Variants in RSL24D1 observed in about 807,000 individuals in gnomAD.
RSL24D1 encodes probable ribosome biogenesis protein RLP24.
In RSL24D1, 6 loss-of-function variants were observed where a neutral mutation model predicts 26.2. The ratio of observed to expected loss-of-function variants is 0.23; its 90% CI spans 0.13 to 0.45. RSL24D1 has a LOEUF of 0.45. Ranked by LOEUF, RSL24D1 falls within the 20% of genes least tolerant of loss-of-function variation. RSL24D1 has a pLI of 0.99. For missense variants in RSL24D1, 176 were observed against 202.6 expected, an observed-to-expected ratio of 0.87 and a Z score of 0.80; for synonymous variants, 61 against 59.1, an observed-to-expected ratio of 1.03 and a Z score of -0.15.
rs191655006 is a variant in RSL24D1, at chr15:55,186,152, T to C, written c.269-727A>G. On this transcript the variant is annotated intron_variant, in intron 3 of 5. Coordinates refer to ENST00000260443, the MANE Select transcript of RSL24D1 (RefSeq NM_016304.3). ...AATTACTAGTGAAACATTTTATCCT[T>C]GTTTTCATATTAAGTCTTCAAAATC... 3.7e-3 allele frequency among the ~76,000 whole-genome samples: 563 copies of C among 152,294 alleles called. 11 individuals are homozygous for C. Among genetic ancestry groups the C allele is most frequent in the Non-Finnish European group, 8.1e-4 (55 of 68,008 alleles).
Position 55,191,058 on chromosome 15 carries a change from G to A in RSL24D1, c.196-11C>T, listed in dbSNP as rs757213438. On this transcript the variant is annotated splice_polypyrimidine_tract_variant and intron_variant, in intron 2 of 5. Coordinates refer to ENST00000260443, the MANE Select transcript of RSL24D1 (RefSeq NM_016304.3). ...TTCAAATGAATTATCCTGTAAGAGG[G>A]AACAGAGGAGATAAAAATAAGGTTT... The A allele has an allele frequency of 1.9e-5, 30 of 1,549,428 alleles. No homozygotes were observed. In the Admixed American group the frequency reaches 5.5e-4, roughly 28 times the overall value.
intron 1 of RSL24D1, chr15:55,195,445 C>T (rs1278402186): frequency 6.6e-6 from 1 of 152,180 alleles, no homozygotes; most frequent in African/African-American, 2.4e-5. Flanking sequence ...CAACTCTCTT[C>T]TGGATCCACT....
intron 4 of RSL24D1, among the ~76,000 whole-genome samples, chr15:55,184,319 T>C (rs1894201591): frequency 1.3e-5 from 2 of 152,080 alleles, no homozygotes; most frequent in African/African-American, 4.8e-5. Flanking sequence ...ACAGGCCAAA[T>C]ATGGGCCACT....
intron 3 of RSL24D1, among the ~76,000 whole-genome samples, 178 bp downstream of exon 3, chr15:55,190,797 A>G (rs949173024): frequency 1.3e-5 from 2 of 152,198 alleles, no homozygotes; most frequent in African/African-American, 4.8e-5. Flanking sequence ...CCAATTGTAA[A>G]AAAAAAATGA....
At chr15:55,188,869 A>T (rs74792727) in intron 3 of RSL24D1, among the ~76,000 whole-genome samples, 6,186 of 152,322 alleles carry the variant, frequency 0.041, 171 homozygotes, top group Middle Eastern at 0.065. Flanking sequence ...AAAGGTCAAA[A>T]TGAAATAAAA....
Position 55,182,203 on chromosome 15 carries a change from C to A in RSL24D1, c.441G>T (p.Glu147Asp), listed in dbSNP as rs781511293. ...CCTCTTGTAACTGCTGTACCATTTT[C>A]TCTTCCAACTGTTTCCCTTTGCCTT... ...PLAGKGKQLE[E>D]KMVQQLQEDV... Residue 147 changes from glutamate to aspartate, a missense_variant, in exon 6 of 6, where the codon GAG (glutamate) becomes GAT (aspartate). This residue lies in a region of RSL24D1 where 43 missense variants were observed against 38.7 expected (regional missense o/e 1.11). Transcript: ENST00000260443. 6.2e-7 allele frequency: 1 copy of A among 1,606,652 alleles called. No homozygotes were observed. The highest frequency in any genetic ancestry group is 2.2e-5 in the East Asian group (1 of 44,764).
intron 3 of RSL24D1, among the ~76,000 whole-genome samples, chr15:55,188,294 G>T (rs1351410210): frequency 6.6e-6 from 1 of 152,144 alleles, no homozygotes; most frequent in African/African-American, 2.4e-5. Context: ...AAATTCCAAA[G>T]ACTCTCATAC....
chr15:55,196,709 C>T (rs1894362758), intron 1 of RSL24D1, 101 bp downstream of exon 1: 4 of 1,137,618 alleles, frequency 3.5e-6, no homozygotes, highest in Non-Finnish European at 5.2e-6. Flanking sequence ...GGGAGGAACC[C>T]GGGCCAAACA....
At chr15:55,189,608 T>C (rs1223071555) in intron 3 of RSL24D1, among the ~76,000 whole-genome samples, 1 of 151,648 alleles carries the variant, frequency 6.6e-6, no homozygotes, top group Non-Finnish European at 1.5e-5. Flanking sequence ...TTTTTTGCAA[T>C]TTTTTTTTCC....
chr15:55,191,058 G>C lies in RSL24D1; in HGVS notation c.196-11C>G. 6.5e-7 allele frequency: 1 copy of C among 1,549,548 alleles called. No homozygotes were observed. Among genetic ancestry groups the C allele is most frequent in the Non-Finnish European group, 8.8e-7 (1 of 1,142,006 alleles). ...TTCAAATGAATTATCCTGTAAGAGG[G>C]AACAGAGGAGATAAAAATAAGGTTT... On this transcript the variant is annotated splice_polypyrimidine_tract_variant and intron_variant, in intron 2 of 5. Transcript: ENST00000260443.
At chr15:55,183,087 A>G (rs1381543223) in intron 5 of RSL24D1, among the ~76,000 whole-genome samples, 1 of 152,220 alleles carries the variant, frequency 6.6e-6, no homozygotes, top group Non-Finnish European at 1.5e-5. Context: ...ATCATTTTGC[A>G]TAACTTGGGG....
intron 3 of RSL24D1, among the ~76,000 whole-genome samples, chr15:55,188,609 AAATT>A (rs1256804002): frequency 6.6e-6 from 1 of 152,228 alleles, no homozygotes; most frequent in Non-Finnish European, 1.5e-5. Flanking sequence ...GAATTAAAAT[AAATT>A]AAGAACTGTA....
chr15:55,194,235 T>C (rs1297191978), intron 1 of RSL24D1: 1 of 152,200 alleles, frequency 6.6e-6, no homozygotes, highest in Non-Finnish European at 1.5e-5. Flanking sequence ...AAAGAGCATC[T>C]ATGTGCCTGA....
In RSL24D1 at chr15:55,182,124, T is replaced by G; in HGVS notation, c.*28A>C. The G allele has an allele frequency of 7.2e-7, 1 of 1,396,466 alleles. No individual in the cohort carries two copies. 86.5% of individuals were successfully genotyped at this position (1,396,466 alleles called of 1,614,324 possible). A position where few individuals can be genotyped will look rare whatever the true frequency, so the allele number is the denominator to read the frequency against. ...AGTATCCAAAGGGCATTTTCAAATG[T>G]ACATAAAAGAAATGGTTACAGAGAT... On this transcript the variant is annotated 3_prime_UTR_variant, in exon 6 of 6. Transcript: ENST00000260443.
Position 55,181,018 on chromosome 15 carries a change from A to G in RSL24D1, c.*1134T>C, listed in dbSNP as rs1313037585. ...ACTGGTCTACAGCCTTAGTTTTACTATCTAATACTGAAACAAAAAATGAGC... is the reference window on the plus strand; with the variant it reads ...ACTGGTCTACAGCCTTAGTTTTACTGTCTAATACTGAAACAAAAAATGAGC... On this transcript the variant is annotated 3_prime_UTR_variant, in exon 6 of 6. Transcript: ENST00000260443. 1.3e-5 allele frequency: 2 copies of G among 152,180 alleles called. No individual in the cohort carries two copies. The highest frequency in any genetic ancestry group is 2.9e-5 in the Non-Finnish European group (2 of 68,040). The allele number at this position is 152,180 out of a possible 1,614,324, so 9.4% of individuals were successfully genotyped here.
intron 1 of RSL24D1, chr15:55,195,655 A>T (rs1894347100): frequency 6.6e-6 from 1 of 152,298 alleles, no homozygotes; most frequent in Non-Finnish European, 1.5e-5. Context: ...ACTCTGAATT[A>T]GACCCCAACC....
rs1440375691 is a variant in RSL24D1 at position 55,181,615 on chromosome 15, C to T, written c.*537G>A. The T allele has an allele frequency of 6.5e-6, 1 of 153,034 alleles. No homozygotes were observed. The highest frequency in any genetic ancestry group is 6.5e-5 in the Admixed American group (1 of 15,374). 9.5% of individuals were successfully genotyped at this position (153,034 alleles called of 1,614,324 possible). A position where few individuals can be genotyped will look rare whatever the true frequency, so the allele number is the denominator to read the frequency against. On this transcript the variant is annotated 3_prime_UTR_variant, in exon 6 of 6. Transcript: ENST00000260443. Reference sequence around the variant, plus strand: ...ACAACTACCTATCAGAAGGGTTAAACCAGGTCAAAACAGTCCAGCATAATT... The same window carrying T: ...ACAACTACCTATCAGAAGGGTTAAATCAGGTCAAAACAGTCCAGCATAATT...
intron 2 of RSL24D1, among the ~76,000 whole-genome samples, chr15:55,192,121 G>A (rs1029449890): frequency 6.6e-6 from 1 of 152,148 alleles, no homozygotes; most frequent in African/African-American, 2.4e-5. Flanking sequence ...AGGAAGCCAT[G>A]GATGGAGAGG....
chr15:55,196,485 T>C, intron 1 of RSL24D1: 2 of 561,496 alleles, frequency 3.6e-6, no homozygotes, highest in South Asian at 3.2e-5. Flanking sequence ...GATTCAAGAA[T>C]TTGGCCCAAG....
Sources: allele counts gnomAD v4.1 joint callset (sites outside exome capture counted in the v4.1 genomes callset), GRCh38; gene constraint gnomAD v4.1.1; regional missense constraint gnomAD v4.1.1; transcripts MANE v1.5; gene names NCBI Gene and HGNC (gene_info 2026-07-23, HGNC 2026-07-21).